ABCC4: variants seen among roughly 807,000 people sequenced by gnomAD.
ABCC4 encodes the protein ATP-binding cassette sub-family C member 4.
ABCC4 carries 102 observed loss-of-function variants against 168.5 expected under a neutral mutation model. The observed-to-expected ratio is 0.61, with a 90% CI of 0.52 to 0.71. The LOEUF (loss-of-function observed/expected upper bound fraction) is 0.71, where lower values mean the gene tolerates loss of function less well. ABCC4 is among the 30% of genes least tolerant of loss of function. The pLI is 0.00. For synonymous variants in ABCC4, 617 were observed against 590.7 expected (o/e 1.04, Z -0.65); for missense variants, 1,402 against 1,605.8 (o/e 0.87, Z 2.17).
chr13:95,124,640 G>T (rs1012564746), intron 19 of ABCC4, among the ~76,000 whole-genome samples: 2 of 149,396 alleles, frequency 1.3e-5, no homozygotes, highest in African/African-American at 4.9e-5. Flanking sequence ...AGGCAGAGGT[G>T]GGGGGATCAC....
chr13:95,073,099 C>T (rs1286013068), intron 24 of ABCC4, 105 bp downstream of exon 24: 5 of 853,220 alleles, frequency 5.9e-6, no homozygotes, highest in Admixed American at 2.8e-5. Context: ...AATCTGTTAC[C>T]AAAGATGTAA....
Position 95,190,718 on chromosome 13 carries a change from G to C in ABCC4, c.1264-2176C>G, listed in dbSNP as rs11840612. ...ACAAAAATTGATACTGTTAAGTAAA[G>C]TAAAAACAGCTACAATTTGGGAGGA... is the stretch of plus-strand genomic sequence containing the variant. On this transcript the variant is annotated intron_variant, in intron 9 of 30. Coordinates refer to ENST00000645237, the MANE Select transcript of ABCC4 (RefSeq NM_005845.5). 9.3e-3 allele frequency among the ~76,000 whole-genome samples: 1,415 copies of C among 152,300 alleles called. 26 individuals carry two copies. Among genetic ancestry groups the C allele is most frequent in the East Asian group, 0.087 (451 of 5,182 alleles).
intron 14 of ABCC4, among the ~76,000 whole-genome samples, chr13:95,167,599 T>C (rs2037325326): frequency 6.6e-6 from 1 of 152,212 alleles, no homozygotes; most frequent in African/African-American, 2.4e-5. Context: ...AAATGCTTCA[T>C]GATACATTGT....
chr13:95,234,121 GATTTA>G (rs1555334700), intron 4 of ABCC4, among the ~76,000 whole-genome samples: 5 of 152,124 alleles, frequency 3.3e-5, no homozygotes, highest in Non-Finnish European at 1.5e-5. Context: ...TTTTCTCCTA[GATTTA>G]ATTTCATAGA....
Position 95,203,830 on chromosome 13 carries a change from T to C in ABCC4, c.1161+2702A>G, listed in dbSNP as rs527732429. 3.3e-5 allele frequency among the ~76,000 whole-genome samples: 5 copies of C among 152,220 alleles called. No individual in the cohort carries two copies. In the East Asian group the frequency reaches 7.7e-4, roughly 24 times the overall value. ...AGAGTTAAGGACCCTCACACCCCCC[T>C]TGAACAAGGCCTGGTGTTCTGGGAA... On this transcript the variant is annotated intron_variant, in intron 8 of 30. Coordinates refer to ENST00000645237, the MANE Select transcript of ABCC4 (RefSeq NM_005845.5).
At chr13:95,299,091 C>T (rs1471741676) in intron 1 of ABCC4, among the ~76,000 whole-genome samples, 3 of 151,056 alleles carry the variant, frequency 2.0e-5, no homozygotes, top group Non-Finnish European at 4.4e-5. Flanking sequence ...CCTATCTCTA[C>T]AAAAAAAATT....
chr13:95,240,920 A>G (rs2039923844), intron 3 of ABCC4, among the ~76,000 whole-genome samples: 1 of 151,924 alleles, frequency 6.6e-6, no homozygotes. Context: ...GCAGTGAGCC[A>G]AGATCACACC....
intron 3 of ABCC4, among the ~76,000 whole-genome samples, chr13:95,235,914 T>G (rs1443651269): frequency 2.6e-5 from 4 of 152,202 alleles, no homozygotes; most frequent in Non-Finnish European, 4.4e-5. Flanking sequence ...AGCCATATTT[T>G]GAAGGTCCTG....
At chr13:95,211,246 G>A (rs1488654886) in intron 4 of ABCC4, among the ~76,000 whole-genome samples, 1 of 152,178 alleles carries the variant, frequency 6.6e-6, no homozygotes, top group Non-Finnish European at 1.5e-5. Context: ...TGTGTTCAAT[G>A]GGAAATGACA....
rs111290698 is a variant in ABCC4 at position 95,137,101 on chromosome 13, C to A, written c.2456-21100G>T. Among the ~76,000 whole-genome samples the A allele has an allele frequency of 8.7e-3, 1,321 of 152,332 alleles. 12 individuals are homozygous for A. The highest frequency in any genetic ancestry group is 0.011 in the Non-Finnish European group (746 of 68,024). ...CACTTCACACACCTATCTGCTCTGT[C>A]CCCTACCGGATCCACCCCAGCTCCC... is the stretch of plus-strand genomic sequence containing the variant. On this transcript the variant is annotated intron_variant, in intron 19 of 30. Transcript: ENST00000645237.
chr13:95,179,622 C>T (rs1180455276), intron 11 of ABCC4, among the ~76,000 whole-genome samples: 2 of 152,128 alleles, frequency 1.3e-5, no homozygotes, highest in African/African-American at 4.8e-5. Flanking sequence ...CTTGGATGGC[C>T]TATAATTATC....
chr13:95,112,532 T>A (rs1436903575), intron 20 of ABCC4, among the ~76,000 whole-genome samples: 1 of 152,204 alleles, frequency 6.6e-6, no homozygotes, highest in Admixed American at 6.5e-5. Flanking sequence ...CTGTGGATTT[T>A]AATCTTCATT....
chr13:95,024,021 A>G (rs948031582), intron 30 of ABCC4, among the ~76,000 whole-genome samples: 1 of 152,100 alleles, frequency 6.6e-6, no homozygotes, highest in African/African-American at 2.4e-5. Context: ...AGCCTGGCCA[A>G]CATGGTGAAA....
rs189998533 is a variant in ABCC4 at position 95,095,133 on chromosome 13, C to G, written c.2536-11843G>C. ...TAGATCTACCATTTGATCCAGCAATCCCACTACTGGCTATCTACCCAGAGG... is the reference window on the plus strand; with the variant it reads ...TAGATCTACCATTTGATCCAGCAATGCCACTACTGGCTATCTACCCAGAGG... On this transcript the variant is annotated intron_variant, in intron 20 of 30. Coordinates refer to ENST00000645237, the MANE Select transcript of ABCC4 (RefSeq NM_005845.5). Among the ~76,000 whole-genome samples, 79 of 152,298 alleles carry G rather than the reference C, an allele frequency of 5.2e-4. 1 individual carries two copies. The East Asian group carries it at 0.012, about 24-fold the overall frequency.
Position 95,062,714 on chromosome 13 carries a change from A to G in ABCC4, c.3356T>C (p.Ile1119Thr). ...GLHDLRKKMS[I>T]IPQEPVLFTG... ...CTATGACTTGCATACCTGAGGTATGATTGACATCTTCTTCCTTAAATCGTG... is the reference window on the plus strand; with the variant it reads ...CTATGACTTGCATACCTGAGGTATGGTTGACATCTTCTTCCTTAAATCGTG... Residue 1119 changes from isoleucine (I) to threonine (T), a missense_variant, in exon 26 of 31, where the codon ATC (isoleucine) becomes ACC (threonine). Ile to Thr is a moderately conservative substitution (Grantham distance 89, BLOSUM62 -1). Coordinates refer to ENST00000645237, the MANE Select transcript of ABCC4 (RefSeq NM_005845.5). 1 of 1,613,754 alleles carries G rather than the reference A, an allele frequency of 6.2e-7. No individual in the cohort carries two copies.
chr13:95,209,498 T>A lies in ABCC4; in HGVS notation c.721A>T (p.Met241Leu). The change falls in exon 6 of 31, where the codon ATG becomes TTG. Residue 241 changes from methionine to leucine, a missense_variant. Around this residue, in one of 3 missense-constraint regions of ABCC4, gnomAD observed 317 missense variants for 345.5 expected, o/e 0.92. Coordinates refer to ENST00000645237, the MANE Select transcript of ABCC4 (RefSeq NM_005845.5). ...MEIGISCLAG[M>L]AVLIILLPLQ... ...GGCAGGAGAATGATTAGAACTGCCA[T>A]CCCAGCAAGGCACGATATTCCTATC... 6.2e-7 allele frequency: 1 copy of A among 1,614,180 alleles called. No individual in the cohort carries two copies. Among genetic ancestry groups the A allele is most frequent in the Non-Finnish European group, 8.5e-7 (1 of 1,180,006 alleles).
chr13:95,129,728 A>C (rs1357302441), intron 19 of ABCC4, among the ~76,000 whole-genome samples: 2 of 152,246 alleles, frequency 1.3e-5, no homozygotes, highest in African/African-American at 2.4e-5. Flanking sequence ...TTATTATAAT[A>C]GAGCAAAGCT....
At chr13:95,060,243 T>C (rs573807080) in intron 26 of ABCC4, among the ~76,000 whole-genome samples, 1 of 152,344 alleles carries the variant, frequency 6.6e-6, no homozygotes, top group Non-Finnish European at 1.5e-5. Context: ...GTAAGCATGC[T>C]CCCTGGACTA....
intron 1 of ABCC4, among the ~76,000 whole-genome samples, chr13:95,271,470 C>T (rs758480341): frequency 1.5e-4 from 23 of 152,180 alleles, no homozygotes; most frequent in Non-Finnish European, 3.2e-4. Context: ...AAGAAGCCTA[C>T]ACAGAGGTTG....
Sources: allele counts gnomAD v4.1 joint callset (sites outside exome capture counted in the v4.1 genomes callset), GRCh38; gene constraint gnomAD v4.1.1; regional missense constraint gnomAD v4.1.1; transcripts MANE v1.5; gene names NCBI Gene and HGNC (gene_info 2026-07-23, HGNC 2026-07-21).